CSMD1: variants seen among roughly 807,000 people sequenced by gnomAD.
CSMD1 encodes the protein CUB and Sushi multiple domains 1, also known as CUB and sushi domain-containing protein 1.
A neutral mutation model predicts 417.5 loss-of-function variants in CSMD1; 213 were observed. The ratio of observed to expected loss-of-function variants is 0.51; its 90% CI spans 0.46 to 0.57. The LOEUF (loss-of-function observed/expected upper bound fraction) is 0.57. CSMD1 is among the 20% of genes least tolerant of loss of function. The pLI, the probability that CSMD1 is intolerant of heterozygous loss-of-function variation, is 0.00. For missense variants in CSMD1, 6,923 were observed against 4,529.7 expected, an observed-to-expected ratio of 1.53 and a Z score of -15.17; for synonymous variants, 2,862 against 1,736.8, an observed-to-expected ratio of 1.65 and a Z score of -16.11.
intron 2 of CSMD1, among the ~76,000 whole-genome samples, chr8:4,605,991 T>A (rs1174977987): frequency 6.6e-6 from 1 of 152,158 alleles, no homozygotes; most frequent in Non-Finnish European, 1.5e-5. Flanking sequence ...AGCCAGGCCT[T>A]ATGAAATATG....
intron 3 of CSMD1, among the ~76,000 whole-genome samples, chr8:4,418,708 C>T (rs1237298): frequency 1.3e-5 from 2 of 151,990 alleles, no homozygotes; most frequent in African/African-American, 2.4e-5. Context: ...ACATTGATAT[C>T]ATCAATGATA....
chr8:4,147,390 G>A (rs1021656448), intron 3 of CSMD1, among the ~76,000 whole-genome samples: 53 of 151,976 alleles, frequency 3.5e-4, no homozygotes, highest in Middle Eastern at 3.4e-3. Flanking sequence ...CCTCCACACT[G>A]CCTTCCCCAC....
rs532733710 is a variant in CSMD1, at chr8:4,726,577, T to G, written c.86-89019A>C. ...CAGGACCACTTCCCTGTCTGACAGG[T>G]GAGACGTCTAGGGCCTCCCATCAGC... On this transcript the variant is annotated intron_variant, in intron 1 of 69. Coordinates refer to ENST00000635120, the MANE Select transcript of CSMD1 (RefSeq NM_033225.6). Among the ~76,000 whole-genome samples, 116 of 152,236 alleles carry G rather than the reference T, an allele frequency of 7.6e-4. 1 individual carries two copies. Among genetic ancestry groups the G allele is most frequent in the Admixed American group, 2.0e-3 (30 of 15,282 alleles).
At chr8:4,431,278 T>C (rs1159919595) in intron 2 of CSMD1, among the ~76,000 whole-genome samples, 1 of 152,170 alleles carries the variant, frequency 6.6e-6, no homozygotes, top group Non-Finnish European at 1.5e-5. Context: ...ATATGCAAAT[T>C]TATTTTATCA....
chr8:3,618,657 C>T (rs932078830), intron 7 of CSMD1, among the ~76,000 whole-genome samples: 22 of 151,718 alleles, frequency 1.5e-4, no homozygotes, highest in African/African-American at 5.3e-4. Context: ...TATGGAAACA[C>T]CAAAGAAATG....
At chr8:3,372,914 C>A (rs557661690) in intron 18 of CSMD1, among the ~76,000 whole-genome samples, 22 of 152,258 alleles carry the variant, frequency 1.4e-4, no homozygotes, top group Admixed American at 5.9e-4. Flanking sequence ...GGAAGAAAAC[C>A]AGCAGAGGAC....
chr8:3,281,268 C>A (rs1023838507), intron 26 of CSMD1, among the ~76,000 whole-genome samples: 1 of 151,980 alleles, frequency 6.6e-6, no homozygotes, highest in Non-Finnish European at 1.5e-5. Context: ...GATAATGAAA[C>A]CCTGTCTAGG....
chr8:3,352,282 C>T (rs1343390707), intron 21 of CSMD1, among the ~76,000 whole-genome samples: 1 of 152,158 alleles, frequency 6.6e-6, no homozygotes, highest in African/African-American at 2.4e-5. Context: ...ATTGCAAACA[C>T]AGCCTGAACC....
intron 2 of CSMD1, among the ~76,000 whole-genome samples, chr8:4,523,064 T>A (rs1803559579): frequency 1.3e-5 from 2 of 152,284 alleles, no homozygotes; most frequent in African/African-American, 4.8e-5. Flanking sequence ...AGCTGCAAAA[T>A]TCACAGATAT....
At chr8:4,572,643 C>T (rs2130662052) in intron 2 of CSMD1, among the ~76,000 whole-genome samples, 1 of 152,238 alleles carries the variant, frequency 6.6e-6, no homozygotes, top group South Asian at 2.1e-4. Context: ...CTCTGTATTT[C>T]CTGAATTTGA....
intron 5 of CSMD1, among the ~76,000 whole-genome samples, chr8:3,955,440 AT>A: frequency 6.6e-6 from 1 of 152,346 alleles, no homozygotes; most frequent in East Asian, 1.9e-4. Flanking sequence ...ATAAACCAGA[AT>A]GAAAAAATGT....
At chr8:3,294,239 G>GT (rs999551035) in intron 25 of CSMD1, among the ~76,000 whole-genome samples, 13 of 152,050 alleles carry the variant, frequency 8.5e-5, no homozygotes, top group Non-Finnish European at 1.6e-4. Flanking sequence ...CCCTACTGGG[G>GT]GGTGCCTCCC....
At chr8:3,799,959 T>C (rs2129071955) in intron 5 of CSMD1, among the ~76,000 whole-genome samples, 1 of 152,268 alleles carries the variant, frequency 6.6e-6, no homozygotes, top group Non-Finnish European at 1.5e-5. Flanking sequence ...ATAATGAAAA[T>C]GTCTGGGGTA....
At chr8:4,985,371 A>ATAAAC in intron 1 of CSMD1, among the ~76,000 whole-genome samples, 1 of 151,434 alleles carries the variant, frequency 6.6e-6, no homozygotes, top group Non-Finnish European at 1.5e-5. Context: ...GGAACTTAAA[A>ATAAAC]GTTTTTTTTA....
chr8:3,959,465 C>T (rs1211969861), intron 5 of CSMD1, among the ~76,000 whole-genome samples: 1 of 152,208 alleles, frequency 6.6e-6, no homozygotes, highest in Non-Finnish European at 1.5e-5. Context: ...CGCCATTGCA[C>T]TCCAGACTGG....
At chr8:3,077,003 T>A (rs1813730684) in intron 49 of CSMD1, among the ~76,000 whole-genome samples, 1 of 145,230 alleles carries the variant, frequency 6.9e-6, no homozygotes, top group African/African-American at 2.6e-5. Flanking sequence ...CGTCCTTCCT[T>A]CCTCCCTGTT....
chr8:2,963,840 C>G (rs1015059063), intron 59 of CSMD1, among the ~76,000 whole-genome samples: 3 of 152,160 alleles, frequency 2.0e-5, no homozygotes, highest in African/African-American at 7.2e-5. Flanking sequence ...CCAAAAGACA[C>G]AGTCGGTCCA....
At chr8:3,517,306 C>G (rs570658954) in intron 10 of CSMD1, among the ~76,000 whole-genome samples, 2 of 152,254 alleles carry the variant, frequency 1.3e-5, no homozygotes, top group South Asian at 2.1e-4. Context: ...AAGAAGAGGG[C>G]TGGCAGAGAA....
intron 10 of CSMD1, among the ~76,000 whole-genome samples, chr8:3,499,371 A>G (rs1796498715): frequency 6.6e-6 from 1 of 151,906 alleles, no homozygotes. Flanking sequence ...TTTTGGGGAT[A>G]TAGAAGGTCA....
Sources: allele counts gnomAD v4.1 joint callset (sites outside exome capture counted in the v4.1 genomes callset), GRCh38; gene constraint gnomAD v4.1.1; transcripts MANE v1.5; gene names NCBI Gene and HGNC (gene_info 2026-07-23, HGNC 2026-07-21).